The following ATG10 variants were observed in gnomAD, a reference collection of about 807,000 sequenced individuals.
ATG10 encodes autophagy related 10, also known as ubiquitin-like-conjugating enzyme ATG10.
A neutral mutation model predicts 32.1 loss-of-function variants in ATG10; 30 were observed. That is an observed-to-expected ratio of 0.94 (90% confidence interval 0.70 to 1.27). ATG10 has a LOEUF of 1.27. ATG10 is among the 50% of genes most tolerant of loss of function. The pLI is 0.00. For synonymous variants in ATG10, 87 were observed against 91.5 expected (o/e 0.95, Z 0.28); for missense variants, 233 against 262.3 (o/e 0.89, Z 0.77).
Position 82,107,378 on chromosome 5 carries a change from T to C in ATG10, c.216+48776T>C, listed in dbSNP as rs185807562. 5.1e-3 allele frequency among the ~76,000 whole-genome samples: 780 copies of C among 152,206 alleles called. 3 individuals carry two copies. Among genetic ancestry groups the C allele is most frequent in the South Asian group, 0.016 (75 of 4,824 alleles). ...AGAACTCAGTGGAAAGTTTCTACTC[T>C]GGGTGTTTGCAGGAGATAAAGGGAG... On this transcript the variant is annotated intron_variant, in intron 3 of 7. Coordinates refer to ENST00000282185, the MANE Select transcript of ATG10 (RefSeq NM_031482.5).
At chr5:82,250,811 A>G in intron 5 of ATG10, among the ~76,000 whole-genome samples, 1 of 152,250 alleles carries the variant, frequency 6.6e-6, no homozygotes, top group East Asian at 1.9e-4. Context: ...GTATTCTGGC[A>G]GACACATAAA....
At chr5:82,131,639 TA>T (rs1253383074) in intron 3 of ATG10, among the ~76,000 whole-genome samples, 1 of 53,632 alleles carries the variant, frequency 1.9e-5, no homozygotes, top group African/African-American at 9.2e-5. Flanking sequence ...AGTTTTATTC[TA>T]CTTTTTTTTT....
At chr5:81,974,543 G>T (rs1337082895) in intron 1 of ATG10, among the ~76,000 whole-genome samples, 1 of 152,174 alleles carries the variant, frequency 6.6e-6, no homozygotes, top group African/African-American at 2.4e-5. Context: ...CTGAGCTCAA[G>T]AACCTACACT....
intron 5 of ATG10, among the ~76,000 whole-genome samples, chr5:82,189,021 A>C (rs1218528521): frequency 6.6e-6 from 1 of 152,198 alleles, no homozygotes; most frequent in Non-Finnish European, 1.5e-5. Context: ...GATAATACCA[A>C]AGTATATAAA....
intron 3 of ATG10, among the ~76,000 whole-genome samples, chr5:82,156,797 T>C (rs570771104): frequency 6.6e-6 from 1 of 152,360 alleles, no homozygotes; most frequent in East Asian, 1.9e-4. Flanking sequence ...CTAATTCTTT[T>C]ACTTTTAGAT....
intron 2 of ATG10, among the ~76,000 whole-genome samples, chr5:82,016,350 C>G (rs1046755762): frequency 6.6e-6 from 1 of 152,158 alleles, no homozygotes; most frequent in African/African-American, 2.4e-5. Flanking sequence ...GTCCTTTCCC[C>G]ACTTTATTTT....
At chr5:82,112,061 A>G (rs962560681) in intron 3 of ATG10, among the ~76,000 whole-genome samples, 6 of 151,962 alleles carry the variant, frequency 3.9e-5, no homozygotes, top group Non-Finnish European at 7.4e-5. Context: ...TCTGTTTTGA[A>G]CACAGGTTTT....
intron 2 of ATG10, among the ~76,000 whole-genome samples, chr5:82,033,342 T>C (rs921010668): frequency 3.0e-4 from 45 of 150,158 alleles, no homozygotes; most frequent in Non-Finnish European, 5.6e-4. Context: ...TCTTCTTCTT[T>C]TTTTTTTTTT....
Position 82,128,392 on chromosome 5 carries a change from T to C in ATG10, c.217-36007T>C, listed in dbSNP as rs557232663. 3.3e-5 allele frequency among the ~76,000 whole-genome samples: 5 copies of C among 152,216 alleles called. No individual in the cohort carries two copies. The South Asian group carries it at 1.0e-3, about 32-fold the overall frequency. On this transcript the variant is annotated intron_variant, in intron 3 of 7. Transcript: ENST00000282185. ...AGTTTCTTCATAGTGTTGATGGTCT[T>C]TACAATTTTGTATGTTTTTGCAGTG... is the stretch of plus-strand genomic sequence containing the variant.
intron 2 of ATG10, among the ~76,000 whole-genome samples, chr5:82,006,532 A>G (rs1167043295): frequency 6.6e-6 from 1 of 152,194 alleles, no homozygotes. Flanking sequence ...TTCAAATTAT[A>G]GGCTGTTCAT....
intron 5 of ATG10, among the ~76,000 whole-genome samples, chr5:82,225,150 A>C (rs1746075383): frequency 1.3e-5 from 2 of 152,178 alleles, no homozygotes; most frequent in South Asian, 2.1e-4. Context: ...CCAAGTGAAG[A>C]AATTTCAAAT....
chr5:82,091,405 A>G (rs1211092896), intron 3 of ATG10, among the ~76,000 whole-genome samples: 1 of 151,896 alleles, frequency 6.6e-6, no homozygotes, highest in Non-Finnish European at 1.5e-5. Context: ...TTCCTCTCCA[A>G]TTCAGTGGCT....
chr5:82,145,840 G>A (rs1767332215), intron 3 of ATG10, among the ~76,000 whole-genome samples: 1 of 151,748 alleles, frequency 6.6e-6, no homozygotes, highest in South Asian at 2.1e-4. Flanking sequence ...CTGAGTAGCT[G>A]GGATTACAGG....
At chr5:82,235,223 T>G (rs1200131560) in intron 5 of ATG10, among the ~76,000 whole-genome samples, 4 of 152,138 alleles carry the variant, frequency 2.6e-5, no homozygotes, top group Admixed American at 6.6e-5. Context: ...CCTTTTCCCC[T>G]AGGGAAGCAG....
chr5:82,044,252 C>T (rs1024079801), intron 2 of ATG10, among the ~76,000 whole-genome samples: 2 of 152,050 alleles, frequency 1.3e-5, no homozygotes, highest in Admixed American at 6.6e-5. Context: ...AAGTGCCACA[C>T]ACTTCTAAAC....
At chr5:82,013,359 G>T (rs1487107908) in intron 2 of ATG10, among the ~76,000 whole-genome samples, 1 of 152,076 alleles carries the variant, frequency 6.6e-6, no homozygotes, top group Non-Finnish European at 1.5e-5. Flanking sequence ...TTATAATAAT[G>T]GTCTCCAATT....
At chr5:81,997,956 A>G (rs1224607039) in intron 2 of ATG10, among the ~76,000 whole-genome samples, 2 of 152,252 alleles carry the variant, frequency 1.3e-5, no homozygotes, top group African/African-American at 4.8e-5. Flanking sequence ...AACAACTTGG[A>G]AAACGTATTT....
chr5:82,212,204 G>A (rs941898094), intron 5 of ATG10, among the ~76,000 whole-genome samples: 7 of 152,122 alleles, frequency 4.6e-5, no homozygotes, highest in Non-Finnish European at 7.4e-5. Flanking sequence ...TATCTTCTCA[G>A]CATTATTCTA....
intron 2 of ATG10, among the ~76,000 whole-genome samples, chr5:82,043,877 A>G (rs1763159118): frequency 6.6e-6 from 1 of 152,038 alleles, no homozygotes; most frequent in South Asian, 2.1e-4. Context: ...AAACCATTCA[A>G]CAAGTCTCTA....
Sources: gnomAD v4.1 joint callset for allele counts (sites outside exome capture counted in the v4.1 genomes callset) on GRCh38, gnomAD v4.1.1 for gene constraint, MANE v1.5 for transcripts, NCBI Gene and HGNC (gene_info 2026-07-23, HGNC 2026-07-21) for gene names.